The following NEGR1 variants were observed in gnomAD, a reference collection of about 807,000 sequenced individuals.
NEGR1 encodes IgLON family member 4.
Under a neutral mutation model 40.9 loss-of-function variants are expected in NEGR1, and 10 were observed. The ratio of observed to expected loss-of-function variants is 0.24; its 90% CI spans 0.15 to 0.42. NEGR1 has a LOEUF of 0.42. Among genes scored for constraint, NEGR1 ranks in the 10% least tolerant of loss-of-function variants. NEGR1 has a pLI of 1.00. For synonymous variants in NEGR1, 185 were observed against 166.8 expected, an observed-to-expected ratio of 1.11 and a Z score of -0.84; for missense variants, 352 against 438.9, an observed-to-expected ratio of 0.80 and a Z score of 1.77.
chr1:72,200,198 C>A (rs1653153931), intron 1 of NEGR1, among the ~76,000 whole-genome samples: 1 of 151,760 alleles, frequency 6.6e-6, no homozygotes, highest in South Asian at 2.1e-4. Context: ...TAAATTGTTC[C>A]ACCAAAAAGT....
At chr1:71,886,948 C>A (rs760795363) in intron 2 of NEGR1, among the ~76,000 whole-genome samples, 1 of 152,126 alleles carries the variant, frequency 6.6e-6, no homozygotes, top group Non-Finnish European at 1.5e-5. Context: ...GGAGTTAGCA[C>A]TGAACACTGC....
chr1:71,811,579 C>A (rs1658002413), intron 2 of NEGR1, among the ~76,000 whole-genome samples: 1 of 150,782 alleles, frequency 6.6e-6, no homozygotes, highest in African/African-American at 2.4e-5. Flanking sequence ...ATTTAATTTA[C>A]TTATAATTTA....
chr1:71,879,191 C>A (rs999055363), intron 2 of NEGR1, among the ~76,000 whole-genome samples: 9 of 149,636 alleles, frequency 6.0e-5, no homozygotes, highest in Non-Finnish European at 7.4e-5. Flanking sequence ...TATTTGCCAT[C>A]AAAAAAAATT....
intron 6 of NEGR1, among the ~76,000 whole-genome samples, chr1:71,439,437 A>C (rs944568865): frequency 4.6e-5 from 7 of 152,176 alleles, no homozygotes; most frequent in Admixed American, 6.5e-5. Flanking sequence ...ATTTTGGCTC[A>C]CTGCAACCTC....
intron 1 of NEGR1, chr1:72,275,105 G>GT (rs1655995716): frequency 1.2e-6 from 1 of 848,104 alleles, no homozygotes; most frequent in Non-Finnish European, 2.1e-6. Flanking sequence ...AAAGACTTGG[G>GT]AACAGAAAGC....
At chr1:72,112,863 G>T (rs1234471023) in intron 1 of NEGR1, among the ~76,000 whole-genome samples, 1 of 151,320 alleles carries the variant, frequency 6.6e-6, no homozygotes. Context: ...GAGGAATTTG[G>T]TGTTTTGCAA....
chr1:71,684,342 A>G (rs2101614050), intron 4 of NEGR1, among the ~76,000 whole-genome samples: 1 of 152,188 alleles, frequency 6.6e-6, no homozygotes, highest in East Asian at 1.9e-4. Flanking sequence ...TTCTTTTCCT[A>G]CGTAATCTTG....
At chr1:71,811,129 T>C (rs1451724239) in intron 2 of NEGR1, among the ~76,000 whole-genome samples, 1 of 152,056 alleles carries the variant, frequency 6.6e-6, no homozygotes, top group African/African-American at 2.4e-5. Flanking sequence ...ACTGAAGGAG[T>C]CTGCACAAAA....
chr1:71,545,507 A>G (rs1480318907), intron 6 of NEGR1, among the ~76,000 whole-genome samples: 4 of 151,618 alleles, frequency 2.6e-5, no homozygotes, highest in South Asian at 2.1e-4. Flanking sequence ...CATCTTCTAT[A>G]TCTTCTGTCT....
intron 6 of NEGR1, among the ~76,000 whole-genome samples, chr1:71,436,229 C>CA (rs376091954): frequency 0.051 from 6,239 of 122,832 alleles, 170 homozygotes; most frequent in South Asian, 0.14. Context: ...GTGAATATGG[C>CA]AAAAAAAAAA....
At chr1:71,573,512 A>G (rs1439775872) in intron 6 of NEGR1, 1 of 152,182 alleles carries the variant, frequency 6.6e-6, no homozygotes, top group African/African-American at 2.4e-5. Context: ...GACTTCAACA[A>G]TTTTCTGTCC....
intron 3 of NEGR1, among the ~76,000 whole-genome samples, chr1:71,711,438 C>A (rs1374021511): frequency 1.8e-5 from 2 of 111,022 alleles, no homozygotes; most frequent in Admixed American, 1.2e-4. Context: ...AAATTCAATG[C>A]AAATTCAGGA....
At chr1:71,430,253 G>T (rs1646457255) in intron 6 of NEGR1, among the ~76,000 whole-genome samples, 2 of 152,036 alleles carry the variant, frequency 1.3e-5, no homozygotes, top group African/African-American at 4.8e-5. Flanking sequence ...TCTGCTCTTG[G>T]CTCTATGGTC....
chr1:72,227,394 G>C (rs540586327), intron 1 of NEGR1, among the ~76,000 whole-genome samples: 1 of 152,110 alleles, frequency 6.6e-6, no homozygotes, highest in African/African-American at 2.4e-5. Context: ...TGAGACAAAA[G>C]ATGTGATCTA....
intron 3 of NEGR1, among the ~76,000 whole-genome samples, chr1:71,714,648 T>C (rs191827462): frequency 2.2e-4 from 34 of 152,260 alleles, no homozygotes; most frequent in African/African-American, 7.0e-4. Flanking sequence ...TGAAATCCAA[T>C]AGGGCAGTCA....
At chr1:71,447,993 T>C (rs571330450) in intron 6 of NEGR1, among the ~76,000 whole-genome samples, 3 of 152,212 alleles carry the variant, frequency 2.0e-5, no homozygotes, top group African/African-American at 4.8e-5. Flanking sequence ...TTCAATATAC[T>C]TGCATTTTTA....
intron 4 of NEGR1, among the ~76,000 whole-genome samples, chr1:71,693,440 C>G (rs1287255893): frequency 2.0e-5 from 3 of 151,616 alleles, no homozygotes; most frequent in African/African-American, 4.8e-5. Flanking sequence ...GTAACAGGAA[C>G]ACATCAGTAC....
At chr1:71,520,921 T>C (rs1647152943) in intron 6 of NEGR1, among the ~76,000 whole-genome samples, 1 of 152,042 alleles carries the variant, frequency 6.6e-6, no homozygotes, top group African/African-American at 2.4e-5. Context: ...CAGCAGGAAC[T>C]GAAGGTTCAT....
rs539168531 is a variant in NEGR1 at position 71,735,109 on chromosome 1, C to G, written c.536-36970G>C. ...AATTTTCAGTTACCAGTTACATCAA[C>G]ATGTTCATATGGATGCCACACCAGC... is the stretch of plus-strand genomic sequence containing the variant. On this transcript the variant is annotated intron_variant, in intron 3 of 6. Coordinates refer to ENST00000357731, the MANE Select transcript of NEGR1 (RefSeq NM_173808.3). Among the ~76,000 whole-genome samples the G allele has an allele frequency of 3.5e-4, 54 of 152,212 alleles. 1 individual carries two copies. Among genetic ancestry groups the G allele is most frequent in the Non-Finnish European group, 5.9e-5 (4 of 67,974 alleles).
Sources: gnomAD v4.1 joint callset for allele counts (sites outside exome capture counted in the v4.1 genomes callset) on GRCh38, gnomAD v4.1.1 for gene constraint, MANE v1.5 for transcripts, NCBI Gene and HGNC (gene_info 2026-07-23, HGNC 2026-07-21) for gene names.